GRIK2: variants seen among roughly 807,000 people sequenced by gnomAD.
GRIK2 encodes glutamate ionotropic receptor kainate type subunit 2, also known as glutamate receptor ionotropic, kainate 2.
In GRIK2, 32 loss-of-function variants were observed where a neutral mutation model predicts 100.3. That is an observed-to-expected ratio of 0.32 (90% confidence interval 0.24 to 0.43). GRIK2 has a LOEUF of 0.43. Ranked by LOEUF, GRIK2 falls within the 20% of genes least tolerant of loss-of-function variation. The pLI, the probability that GRIK2 is intolerant of heterozygous loss-of-function variation, is 1.00. For missense variants in GRIK2, 843 were observed against 1,114.9 expected, an observed-to-expected ratio of 0.76 and a Z score of 3.47; for synonymous variants, 417 against 389.4, an observed-to-expected ratio of 1.07 and a Z score of -0.83.
At chr6:101,661,413 G>T (rs1005433404) in intron 4 of GRIK2, among the ~76,000 whole-genome samples, 1 of 152,084 alleles carries the variant, frequency 6.6e-6, no homozygotes, top group South Asian at 2.1e-4. Flanking sequence ...TGCTGGGCTC[G>T]GTGGGGGTGA....
intron 14 of GRIK2, among the ~76,000 whole-genome samples, chr6:102,005,327 T>TAAG (rs994604012): frequency 1.3e-5 from 2 of 151,996 alleles, no homozygotes; most frequent in East Asian, 1.9e-4. Context: ...ATATAATCTA[T>TAAG]AAGTTGTGAT....
intron 14 of GRIK2, among the ~76,000 whole-genome samples, chr6:102,025,313 T>C (rs1769636291): frequency 6.6e-6 from 1 of 151,264 alleles, no homozygotes; most frequent in South Asian, 2.1e-4. Context: ...ATGGAGGTTT[T>C]CTTCTAGTAG....
chr6:101,527,018 T>C (rs1775189645), intron 2 of GRIK2, among the ~76,000 whole-genome samples: 1 of 152,116 alleles, frequency 6.6e-6, no homozygotes, highest in East Asian at 1.9e-4. Flanking sequence ...GAATGAATGT[T>C]TTCATGTCCT....
At chr6:101,702,321 C>T (rs1322356709) in intron 7 of GRIK2, among the ~76,000 whole-genome samples, 1 of 151,888 alleles carries the variant, frequency 6.6e-6, no homozygotes, top group Non-Finnish European at 1.5e-5. Context: ...AATCAGCAGA[C>T]CCATGAAAAA....
chr6:102,066,018 G>T (rs1027123885), intron 16 of GRIK2: 12 of 625,848 alleles, frequency 1.9e-5, no homozygotes, highest in African/African-American at 7.7e-5. Flanking sequence ...TTCATGAATT[G>T]CAGAACTGCA....
chr6:101,937,293 C>G (rs1005474516), intron 14 of GRIK2, among the ~76,000 whole-genome samples: 3 of 152,114 alleles, frequency 2.0e-5, no homozygotes, highest in Non-Finnish European at 2.9e-5. Context: ...AAGGACCATT[C>G]CTGCTGTTTG....
At chr6:101,465,725 C>G (rs1279475420) in intron 2 of GRIK2, among the ~76,000 whole-genome samples, 1 of 152,138 alleles carries the variant, frequency 6.6e-6, no homozygotes, top group African/African-American at 2.4e-5. Flanking sequence ...TTTGCAGTTG[C>G]AAAAATATTA....
At chr6:101,662,734 C>T (rs1312020975) in intron 4 of GRIK2, among the ~76,000 whole-genome samples, 2 of 152,124 alleles carry the variant, frequency 1.3e-5, no homozygotes, top group African/African-American at 2.4e-5. Context: ...ACACTTCTAT[C>T]GTGCTTTGGA....
At chr6:102,067,981 G>A (rs1486560643) in intron 16 of GRIK2, among the ~76,000 whole-genome samples, 1 of 151,750 alleles carries the variant, frequency 6.6e-6, no homozygotes, top group East Asian at 1.9e-4. Flanking sequence ...TCAAGAATGG[G>A]TTTCTGGTAT....
At chr6:101,589,424 C>T (rs1778538053) in intron 2 of GRIK2, among the ~76,000 whole-genome samples, 1 of 152,166 alleles carries the variant, frequency 6.6e-6, no homozygotes, top group East Asian at 1.9e-4. Context: ...GTTTTGTAAC[C>T]TTTGACCAAT....
chr6:101,601,120 GTTT>G (rs34999814), intron 2 of GRIK2, among the ~76,000 whole-genome samples: 56 of 140,368 alleles, frequency 4.0e-4, no homozygotes, highest in South Asian at 6.7e-4. Flanking sequence ...AGTTTGTTGA[GTTT>G]TTTTTTTTTT....
chr6:101,887,229 C>T (rs929560294), intron 11 of GRIK2, among the ~76,000 whole-genome samples: 1 of 151,980 alleles, frequency 6.6e-6, no homozygotes, highest in African/African-American at 2.4e-5. Flanking sequence ...TGAGGTAATG[C>T]ATATGTTAAT....
At chr6:101,422,204 G>GT (rs901327675) in intron 2 of GRIK2, among the ~76,000 whole-genome samples, 74 of 152,238 alleles carry the variant, frequency 4.9e-4, no homozygotes, top group African/African-American at 1.8e-3. Flanking sequence ...ATCGGCACAG[G>GT]TTTTTACCCA....
intron 2 of GRIK2, among the ~76,000 whole-genome samples, chr6:101,528,712 A>G (rs1421114902): frequency 1.3e-5 from 2 of 152,156 alleles, no homozygotes; most frequent in African/African-American, 4.8e-5. Context: ...ACATAAAACA[A>G]TAAGGTTTAG....
At chr6:101,412,433 T>C (rs12524524) in intron 2 of GRIK2, among the ~76,000 whole-genome samples, 3,780 of 152,122 alleles carry the variant, frequency 0.025, 73 homozygotes, top group Middle Eastern at 0.095. Flanking sequence ...GACACTTTAC[T>C]GACAGTATGA....
Position 101,559,297 on chromosome 6 carries a change from T to C in GRIK2, c.116-62652T>C, listed in dbSNP as rs191952062. 5.8e-4 allele frequency among the ~76,000 whole-genome samples: 89 copies of C among 152,262 alleles called. No homozygotes were observed. In the East Asian group the frequency reaches 0.016, roughly 28 times the overall value. The stretch of plus-strand genomic sequence containing the variant: ...TAAGTTATTTTTTCAAAATCTTCCA[T>C]ATTATTCAGTTATCTACAGAATAAA... On this transcript the variant is annotated intron_variant, in intron 2 of 16. Transcript: ENST00000369134.
chr6:101,483,592 TG>T (rs1380755974), intron 2 of GRIK2, among the ~76,000 whole-genome samples: 1 of 152,218 alleles, frequency 6.6e-6, no homozygotes, highest in African/African-American at 2.4e-5. Context: ...TGTATTTATT[TG>T]GGATAGAGTC....
intron 7 of GRIK2, among the ~76,000 whole-genome samples, chr6:101,774,443 G>A (rs6918149): frequency 2.6e-5 from 4 of 152,164 alleles, no homozygotes; most frequent in African/African-American, 7.2e-5. Flanking sequence ...AGTAAAAAGC[G>A]GACAAGATTT....
At chr6:101,746,619 G>T (rs527690506) in intron 7 of GRIK2, among the ~76,000 whole-genome samples, 1 of 152,070 alleles carries the variant, frequency 6.6e-6, no homozygotes, top group Non-Finnish European at 1.5e-5. Flanking sequence ...TAGCCACTGC[G>T]CCTGGCCTAC....
Sources: gnomAD v4.1 joint callset for allele counts (sites outside exome capture counted in the v4.1 genomes callset) on GRCh38, gnomAD v4.1.1 for gene constraint, MANE v1.5 for transcripts, NCBI Gene and HGNC (gene_info 2026-07-23, HGNC 2026-07-21) for gene names.